The following ARAP2 variants were observed in gnomAD, a reference collection of about 807,000 sequenced individuals.
The protein encoded by ARAP2 is arf-GAP with Rho-GAP domain, ANK repeat and PH domain-containing protein 2.
Under a neutral mutation model 194.5 loss-of-function variants are expected in ARAP2, and 148 were observed. That is an observed-to-expected ratio of 0.76 (90% confidence interval 0.67 to 0.87). The LOEUF is 0.87. ARAP2 is among the 40% of genes least tolerant of loss of function. The pLI is 0.00. For synonymous variants in ARAP2, 695 were observed against 683.5 expected (o/e 1.02, Z -0.26); for missense variants, 2,128 against 1,989.7 (o/e 1.07, Z -1.32).
chr4:36,205,798 C>T (rs1323839173), intron 6 of ARAP2, among the ~76,000 whole-genome samples: 1 of 152,168 alleles, frequency 6.6e-6, no homozygotes, highest in Non-Finnish European at 1.5e-5. Flanking sequence ...CATTTCTCTG[C>T]AGCTAGGATG....
rs148847548 is a variant in ARAP2 at position 36,105,673 on chromosome 4, G to A, written c.4285+1892C>T. Among the ~76,000 whole-genome samples, 1,433 of 151,998 alleles carry A rather than the reference G, an allele frequency of 9.4e-3. 27 individuals carry two copies. The highest frequency in any genetic ancestry group is 0.051 in the Middle Eastern group (15 of 294). ...CCAGATATGACTGCTCTAAACCAGC[G>A]CAATCTACACCTTGTTGGGTTGTTT... On this transcript the variant is annotated intron_variant, in intron 27 of 32. Coordinates refer to ENST00000303965, the MANE Select transcript of ARAP2 (RefSeq NM_015230.4).
intron 16 of ARAP2, among the ~76,000 whole-genome samples, chr4:36,149,362 T>C (rs934304580): frequency 3.3e-5 from 5 of 152,154 alleles, no homozygotes; most frequent in Non-Finnish European, 7.4e-5. Context: ...AGTTAAATTC[T>C]CAACAATTAG....
At chr4:36,140,022 C>A (rs147662523) in intron 19 of ARAP2, among the ~76,000 whole-genome samples, 124 of 151,616 alleles carry the variant, frequency 8.2e-4, no homozygotes, top group African/African-American at 3.0e-3. Flanking sequence ...CCTATTATTT[C>A]CACCTCTTGG....
chr4:36,108,654 G>A (rs777527267), intron 26 of ARAP2, among the ~76,000 whole-genome samples: 2 of 151,946 alleles, frequency 1.3e-5, no homozygotes, highest in Non-Finnish European at 2.9e-5. Context: ...AATTTTAAAT[G>A]CAGCATATAT....
intron 6 of ARAP2, among the ~76,000 whole-genome samples, chr4:36,194,661 C>G (rs1467563504): frequency 6.6e-6 from 1 of 152,152 alleles, no homozygotes; most frequent in African/African-American, 2.4e-5. Context: ...AAGTGAAACA[C>G]AGCAAGCCTC....
At chr4:36,178,424 T>A (rs1367133895) in intron 8 of ARAP2, among the ~76,000 whole-genome samples, 1 of 152,188 alleles carries the variant, frequency 6.6e-6, no homozygotes, top group Non-Finnish European at 1.5e-5. Flanking sequence ...AGATTGTATG[T>A]GGCAAGTCAG....
intron 1 of ARAP2, among the ~76,000 whole-genome samples, chr4:36,058,457 T>G (rs1216202026): frequency 6.6e-6 from 1 of 152,222 alleles, no homozygotes; most frequent in Non-Finnish European, 1.5e-5. Flanking sequence ...TTTTGTCCTG[T>G]GTACAGATTC....
chr4:36,233,336 C>T (rs1355847063), intron 1 of ARAP2, among the ~76,000 whole-genome samples: 2 of 152,162 alleles, frequency 1.3e-5, no homozygotes, highest in African/African-American at 4.8e-5. Context: ...ATCAGTGACC[C>T]TCCAGGTACT....
At chr4:36,049,297 A>G (rs1028098054) in intron 3 of ARAP2, among the ~76,000 whole-genome samples, 3 of 152,136 alleles carry the variant, frequency 2.0e-5, no homozygotes, top group Admixed American at 2.0e-4. Flanking sequence ...TTGCTTTTCC[A>G]AAAAAAGAAA....
chr4:36,165,120 CAATT>C lies in ARAP2; in HGVS notation c.1974-11_1974-8del, dbSNP rs1734978057. On this transcript the variant is annotated splice_polypyrimidine_tract_variant and splice_region_variant and intron_variant, in intron 10 of 32. Coordinates refer to ENST00000303965, the MANE Select transcript of ARAP2 (RefSeq NM_015230.4). The stretch of plus-strand genomic sequence containing the variant: ...TTCAGTCTCGGCTGTAAAGCTGAAA[CAATT>C]AACGTTTCTGTGTTATCGATCTCCC... 1 of 1,613,604 alleles carries C rather than the reference CAATT, an allele frequency of 6.2e-7. No individual in the cohort carries two copies. The highest frequency in any genetic ancestry group is 1.3e-5 in the African/African-American group (1 of 74,880).
chr4:36,206,717 A>G (rs1235643358), intron 6 of ARAP2, among the ~76,000 whole-genome samples: 2 of 152,166 alleles, frequency 1.3e-5, no homozygotes, highest in African/African-American at 2.4e-5. Flanking sequence ...TCTGCACTAA[A>G]TGGAAGCTAC....
chr4:36,115,638 T>C (rs1721136458), intron 25 of ARAP2, among the ~76,000 whole-genome samples: 1 of 152,012 alleles, frequency 6.6e-6, no homozygotes, highest in Non-Finnish European at 1.5e-5. Context: ...GAGATTATGA[T>C]GACCCAGGTT....
intron 20 of ARAP2, among the ~76,000 whole-genome samples, chr4:36,131,153 T>C (rs1275403714): frequency 6.6e-6 from 1 of 151,706 alleles, no homozygotes; most frequent in African/African-American, 2.4e-5. Context: ...ACTGGGTGTT[T>C]TCTAAGTTTC....
At chr4:36,155,020 C>T (rs532343559) in intron 15 of ARAP2, among the ~76,000 whole-genome samples, 1 of 152,312 alleles carries the variant, frequency 6.6e-6, no homozygotes, top group African/African-American at 2.4e-5. Flanking sequence ...GGGCTTTCTG[C>T]ACAAGATATG....
At chr4:36,220,097 TGAACCCTTG>T (rs1748818729) in intron 2 of ARAP2, among the ~76,000 whole-genome samples, 2 of 152,190 alleles carry the variant, frequency 1.3e-5, no homozygotes, top group South Asian at 4.1e-4. Flanking sequence ...ACTACTGATT[TGAACCCTTG>T]AGTGGAGCAG....
intron 5 of ARAP2, among the ~76,000 whole-genome samples, chr4:36,027,942 G>C (rs1271465188): frequency 6.6e-6 from 1 of 152,094 alleles, no homozygotes; most frequent in Admixed American, 6.6e-5. Flanking sequence ...TCCTCTTCAG[G>C]AACCAATGGG....
chr4:36,212,608 TAA>T, intron 4 of ARAP2, 121 bp from the exon 5 acceptor site: 1 of 579,026 alleles, frequency 1.7e-6, no homozygotes. Context: ...TTTTATTAAA[TAA>T]GTCTAATTAC....
rs754203280 is a variant in ARAP2, at chr4:36,229,143, G to T, written c.344C>A (p.Ser115Tyr). ...AACAGTCTCCAACTGCGGTGGGCTA[G>T]ATGTCTGAACACTACCAGAATTGGA... ...ELSNSGSVQT[S>Y]SPPQLETVRK... Residue 115 changes from serine to tyrosine, a missense_variant, in exon 2 of 33, where the codon TCT (serine) becomes TAT (tyrosine). Ser to Tyr is a moderately radical substitution (Grantham distance 144, BLOSUM62 -2). Transcript: ENST00000303965. The T allele has an allele frequency of 6.2e-7, 1 of 1,613,982 alleles. No individual in the cohort carries two copies. Among genetic ancestry groups the T allele is most frequent in the African/African-American group, 1.3e-5 (1 of 74,918 alleles).
Position 36,152,404 on chromosome 4 carries a change from T to C in ARAP2, c.2753-1360A>G, listed in dbSNP as rs1441623635. The stretch of plus-strand genomic sequence containing the variant: ...TTCTAAAATATAAGAAAAGGTAAAG[T>C]CAAAATACGAATCAAAGGGAGTTTG... On this transcript the variant is annotated intron_variant, in intron 15 of 32. Transcript: ENST00000303965. 2.6e-5 allele frequency among the ~76,000 whole-genome samples: 4 copies of C among 152,074 alleles called. No individual in the cohort carries two copies. The East Asian group carries it at 5.8e-4, about 22-fold the overall frequency.
Sources: gnomAD v4.1 joint callset for allele counts (sites outside exome capture counted in the v4.1 genomes callset) on GRCh38, gnomAD v4.1.1 for gene constraint, MANE v1.5 for transcripts, NCBI Gene and HGNC (gene_info 2026-07-23, HGNC 2026-07-21) for gene names.